SOAT2: variants seen among roughly 807,000 people sequenced by gnomAD.
The protein encoded by SOAT2 is ACAT-2.
A neutral mutation model predicts 76.0 loss-of-function variants in SOAT2; 87 were observed. That is an observed-to-expected ratio of 1.14 (90% CI 0.96 to 1.37). SOAT2 has a LOEUF of 1.37. Ranked by LOEUF, SOAT2 falls within the 40% of genes most tolerant of loss-of-function variation. SOAT2 has a pLI of 0.00. For synonymous variants in SOAT2, 285 were observed against 275.4 expected, an observed-to-expected ratio of 1.03 and a Z score of -0.34; for missense variants, 686 against 682.1, an observed-to-expected ratio of 1.01 and a Z score of -0.06.
In SOAT2 at chr12:53,119,200, A is replaced by G; in HGVS notation, c.986A>G (p.Glu329Gly). ...CVPVFANMSR[E>G]PFSTRALVLS... is the part of the protein sequence containing the mutation. Reference sequence around the variant, plus strand: ...CCTGTCTTTGCCAACATGAGCCGAGAGCCCTTCAGCACCCGTGCCCTGGTG... The same window carrying G: ...CCTGTCTTTGCCAACATGAGCCGAGGGCCCTTCAGCACCCGTGCCCTGGTG... Residue 329 changes from glutamate (E) to glycine (G), a missense_variant, in exon 10 of 15, where the codon GAG (glutamate) becomes GGG (glycine). Coordinates refer to ENST00000301466, the MANE Select transcript of SOAT2 (RefSeq NM_003578.4). The G allele has an allele frequency of 1.9e-6, 3 of 1,614,030 alleles. No homozygotes were observed. Among genetic ancestry groups the G allele is most frequent in the Non-Finnish European group, 2.5e-6 (3 of 1,180,000 alleles).
intron 7 of SOAT2, 119 bp downstream of exon 7, chr12:53,116,285 C>A: frequency 1.2e-6 from 1 of 842,420 alleles, no homozygotes; most frequent in Non-Finnish European, 1.9e-6. Context: ...GCCCACCAGG[C>A]ACAGCCCTGG....
At chr12:53,116,960 T>A (rs571244919) in intron 7 of SOAT2, among the ~76,000 whole-genome samples, 11 of 72,138 alleles carry the variant, frequency 1.5e-4, no homozygotes, top group African/African-American at 8.9e-4. Flanking sequence ...CAATTTCAAA[T>A]TTTTTTTTTT....
Position 53,106,019 on chromosome 12 carries a change from G to A in SOAT2, c.443+5G>A, listed in dbSNP as rs1470759430. The A allele has an allele frequency of 1.2e-6, 2 of 1,606,084 alleles. No individual in the cohort carries two copies. The highest frequency in any genetic ancestry group is 2.2e-5 in the East Asian group (1 of 44,816). ...CGACTTCATTGATGAGGGCAGGTAG[G>A]TCCCCTTCCCACCTGGGACAGGCAC... is the stretch of plus-strand genomic sequence containing the variant. On this transcript the variant is annotated splice_donor_5th_base_variant and intron_variant, in intron 5 of 14. Coordinates refer to ENST00000301466, the MANE Select transcript of SOAT2 (RefSeq NM_003578.4).
At chr12:53,116,044 C>T (rs1938102603) in intron 6 of SOAT2, 53 bp from the exon 7 acceptor site, 1 of 1,487,870 alleles carries the variant, frequency 6.7e-7, no homozygotes, top group South Asian at 1.1e-5. Flanking sequence ...AGAGGTTAAG[C>T]GATTTGCTTA....
chr12:53,122,997 G>A, intron 12 of SOAT2, 84 bp from the exon 13 acceptor site: 5 of 1,411,874 alleles, frequency 3.5e-6, no homozygotes, highest in Non-Finnish European at 4.7e-6. Flanking sequence ...CTGGGCGGCT[G>A]GCCGGGCGGG....
intron 12 of SOAT2, among the ~76,000 whole-genome samples, chr12:53,122,846 G>A (rs967658118): frequency 1.3e-5 from 2 of 152,084 alleles, no homozygotes; most frequent in Non-Finnish European, 2.9e-5. Context: ...TGAGCTGTTG[G>A]GTACACCTCC....
chr12:53,105,758 T>TA (rs1316878658), intron 4 of SOAT2, 138 bp downstream of exon 4: 1 of 957,152 alleles, frequency 1.0e-6, no homozygotes, highest in Non-Finnish European at 1.5e-6. Context: ...GCAGGTCCCC[T>TA]ATTTGCCCTA....
chr12:53,116,804 G>A (rs1440475012), intron 7 of SOAT2, among the ~76,000 whole-genome samples: 1 of 151,676 alleles, frequency 6.6e-6, no homozygotes, highest in Non-Finnish European at 1.5e-5. Flanking sequence ...GGAGGTGAAG[G>A]CTGCAGTGAG....
chr12:53,122,473 C>T (rs1938206505), intron 12 of SOAT2, among the ~76,000 whole-genome samples: 1 of 145,010 alleles, frequency 6.9e-6, no homozygotes, highest in Non-Finnish European at 1.5e-5. Flanking sequence ...GGCAGAGGAC[C>T]CTGCGGCCTT....
At chr12:53,118,545 A>G in intron 8 of SOAT2, 111 bp downstream of exon 8, 1 of 762,074 alleles carries the variant, frequency 1.3e-6, no homozygotes, top group Non-Finnish European at 2.3e-6. Context: ...CCACTTTCTC[A>G]GGAAGCATCT....
chr12:53,121,479 C>T, intron 12 of SOAT2, 78 bp downstream of exon 12: 2 of 1,209,552 alleles, frequency 1.7e-6, no homozygotes, highest in Non-Finnish European at 2.4e-6. Flanking sequence ...CCTCCTGCTA[C>T]AGTGTGGCAA....
chr12:53,113,011 G>C (rs1013127759), intron 5 of SOAT2, among the ~76,000 whole-genome samples: 1 of 151,576 alleles, frequency 6.6e-6, no homozygotes, highest in African/African-American at 2.4e-5. Flanking sequence ...TGAACCTCAT[G>C]ATCCAGCCAC....
At chr12:53,108,668 T>C (rs1451302042) in intron 5 of SOAT2, among the ~76,000 whole-genome samples, 1 of 152,250 alleles carries the variant, frequency 6.6e-6, no homozygotes, top group African/African-American at 2.4e-5. Flanking sequence ...GTTCAGTACA[T>C]GCAGTTAATT....
chr12:53,122,656 C>T (rs1270489274), intron 12 of SOAT2, among the ~76,000 whole-genome samples: 2 of 152,088 alleles, frequency 1.3e-5, no homozygotes, highest in Admixed American at 6.5e-5. Context: ...GGGGTAAGGT[C>T]ACAGATCAAC....
chr12:53,108,278 T>C lies in SOAT2; in HGVS notation c.443+2264T>C, dbSNP rs112493227. The stretch of plus-strand genomic sequence containing the variant: ...GATCAGAAACCCTGGACAGGGACTG[T>C]GTACACAAAATATGATGCCAGTTTT... On this transcript the variant is annotated intron_variant, in intron 5 of 14. Coordinates refer to ENST00000301466, the MANE Select transcript of SOAT2 (RefSeq NM_003578.4). Among the ~76,000 whole-genome samples, 876 of 152,324 alleles carry C rather than the reference T, an allele frequency of 5.8e-3. 7 individuals carry two copies. Among genetic ancestry groups the C allele is most frequent in the African/African-American group, 0.02 (849 of 41,576 alleles).
At chr12:53,105,870 C>T (rs371914767) in intron 4 of SOAT2, 37 bp from the exon 5 acceptor site, 2 of 1,523,488 alleles carry the variant, frequency 1.3e-6, no homozygotes, top group African/African-American at 2.7e-5. Flanking sequence ...ACCCTGAGGA[C>T]CCTCCCACAC....
rs1262956269 is a variant in SOAT2, at chr12:53,121,177, G to T, written c.1138-126G>T. The stretch of plus-strand genomic sequence containing the variant: ...AGGTGGGAGAGTGTCTGCTGTCCCT[G>T]TTCTGCCAGGAGCCAGCCCTTCTGG... On this transcript the variant is annotated intron_variant, in intron 11 of 14. Transcript: ENST00000301466. 20 of 726,570 alleles carry T rather than the reference G, an allele frequency of 2.8e-5. No homozygotes were observed. The South Asian group carries it at 3.3e-4, about 12-fold the overall frequency. 45.0% of individuals were successfully genotyped at this position (726,570 alleles called of 1,614,324 possible).
At chr12:53,120,935 A>T in intron 11 of SOAT2, 52 bp downstream of exon 11, 1 of 1,375,648 alleles carries the variant, frequency 7.3e-7, no homozygotes, top group Non-Finnish European at 1.0e-6. Flanking sequence ...AGGGTTAGGG[A>T]GGGATCTGGG....
rs1271296305 is a variant in SOAT2, at chr12:53,118,418, A to G, written c.847A>G (p.Arg283Gly). 3 of 1,613,140 alleles carry G rather than the reference A, an allele frequency of 1.9e-6. No individual in the cohort carries two copies. The highest frequency in any genetic ancestry group is 2.5e-6 in the Non-Finnish European group (3 of 1,179,462). ...YFLFCPTLIY[R>G]ETYPRTPYVR... ...CCTCTTCTGCCCAACACTCATCTAC[A>G]GGGAGACTTACCCTAGGTAAGACCC... Residue 283 changes from arginine (R) to glycine (G), a missense_variant, in exon 8 of 15, where the codon AGG becomes GGG. Physicochemically the swap from Arg to Gly is moderately radical, Grantham distance 125. Coordinates refer to ENST00000301466, the MANE Select transcript of SOAT2 (RefSeq NM_003578.4).
Sources: allele counts gnomAD v4.1 joint callset (sites outside exome capture counted in the v4.1 genomes callset), GRCh38; gene constraint gnomAD v4.1.1; transcripts MANE v1.5; gene names NCBI Gene and HGNC (gene_info 2026-07-23, HGNC 2026-07-21).